KCNK5: variants seen among roughly 807,000 people sequenced by gnomAD.
The protein encoded by KCNK5 is potassium two pore domain channel subfamily K member 5.
A neutral mutation model predicts 32.9 loss-of-function variants in KCNK5; 18 were observed. The observed-to-expected ratio is 0.55, with a 90% CI of 0.38 to 0.81. The LOEUF is 0.81. KCNK5 is among the 30% of genes least tolerant of loss of function. The pLI, the probability that KCNK5 is intolerant of heterozygous loss-of-function variation, is 0.00. For missense variants in KCNK5, 507 were observed against 651.0 expected (o/e 0.78, Z 2.41); for synonymous variants, 276 against 275.3 (o/e 1.00, Z -0.03).
intron 1 of KCNK5, among the ~76,000 whole-genome samples, chr6:39,208,416 A>G (rs887748889): frequency 7.2e-5 from 11 of 152,152 alleles, no homozygotes; most frequent in African/African-American, 2.7e-4. Context: ...GCCTCTGAGC[A>G]TGATCTTGCC....
At chr6:39,200,825 C>T (rs564442426) in intron 1 of KCNK5, among the ~76,000 whole-genome samples, 1 of 152,248 alleles carries the variant, frequency 6.6e-6, no homozygotes, top group Non-Finnish European at 1.5e-5. Flanking sequence ...ATCCCCTCAT[C>T]CCCCAAGGAT....
chr6:39,196,764 G>C (rs11963595), intron 1 of KCNK5, among the ~76,000 whole-genome samples: 5,837 of 152,322 alleles, frequency 0.038, 156 homozygotes, highest in South Asian at 0.098. Context: ...CAGAGGGTGA[G>C]TACATTTCAG....
At position 39,191,570 on chromosome 6, in the gene KCNK5, G is replaced by A. The variant is rs147772924; in HGVS notation, c.820C>T (p.Arg274Trp). 8.7e-6 allele frequency: 14 copies of A among 1,613,812 alleles called. No homozygotes were observed. Among genetic ancestry groups the A allele is most frequent in the African/African-American group, 2.7e-5 (2 of 74,890 alleles). The change falls in exon 5 of 5, where the codon CGG becomes TGG. Residue 274 changes from arginine (R) to tryptophan (W), a missense_variant. By Grantham distance (101) the Arg-to-Trp change is moderately radical (BLOSUM62 -3). Around this residue, in one of 6 missense-constraint regions of KCNK5, gnomAD observed 42 missense variants for 35.3 expected, o/e 1.19. Transcript: ENST00000359534. This position sits in a 1 kb window ranked among gnomAD's most constrained non-coding sequence, Gnocchi z 5.8. Reference sequence around the variant, plus strand: ...CTCCCCTTCACCTGCAGGGCCTTCCGGGAGTGTGGGGAGCTCTCAAAGGAC... The same window carrying A: ...CTCCCCTTCACCTGCAGGGCCTTCCAGGAGTGTGGGGAGCTCTCAAAGGAC... ...KESFESSPHS[R>W]KALQVKGSTA...
At chr6:39,209,404 T>C (rs1319041494) in intron 1 of KCNK5, among the ~76,000 whole-genome samples, 1 of 152,080 alleles carries the variant, frequency 6.6e-6, no homozygotes, top group Non-Finnish European at 1.5e-5. Flanking sequence ...CCGCCCACCA[T>C]CCATCCCCAG....
intron 2 of KCNK5, among the ~76,000 whole-genome samples, chr6:39,195,240 T>C (rs554034066): frequency 2.6e-5 from 4 of 152,270 alleles, no homozygotes; most frequent in African/African-American, 9.6e-5. Flanking sequence ...GCTGGACAGG[T>C]GAGGTCTAAG....
At position 39,228,677 on chromosome 6, in the gene KCNK5, A is replaced by G. The variant is rs572982049; in HGVS notation, c.186+249T>C. ...CACCGTGGAGCCTAGTTCACCCGGG[A>G]ATCAACTCCAATTTGTCTCCGGCCA... On this transcript the variant is annotated intron_variant, in intron 1 of 4. Transcript: ENST00000359534. 9.9e-5 allele frequency among the ~76,000 whole-genome samples: 15 copies of G among 152,232 alleles called. No individual in the cohort carries two copies. The South Asian group carries it at 3.1e-3, about 32-fold the overall frequency.
intron 1 of KCNK5, among the ~76,000 whole-genome samples, chr6:39,218,988 G>T (rs944910838): frequency 2.0e-5 from 3 of 152,320 alleles, no homozygotes; most frequent in African/African-American, 7.2e-5. Flanking sequence ...AGCAGTCCTT[G>T]AACAGGTCTG....
chr6:39,207,192 C>T (rs1259316265), intron 1 of KCNK5, among the ~76,000 whole-genome samples: 1 of 152,204 alleles, frequency 6.6e-6, no homozygotes, highest in Non-Finnish European at 1.5e-5. Flanking sequence ...GAGGCCATGC[C>T]ACCTGGAATA....
chr6:39,218,133 C>T (rs543921760), intron 1 of KCNK5, among the ~76,000 whole-genome samples: 11 of 147,634 alleles, frequency 7.5e-5, no homozygotes, highest in Non-Finnish European at 1.2e-4. Flanking sequence ...TGTAGAGGCG[C>T]GATTTTGGCT....
chr6:39,194,031 C>T lies in KCNK5; in HGVS notation c.634+138G>A. ...GGTCTTAGTTTCCTCTTGCAAATGG[C>T]AGAGTGGGTTGAGAATCCCACTGGG... On this transcript the variant is annotated intron_variant, in intron 4 of 4. Coordinates refer to ENST00000359534, the MANE Select transcript of KCNK5 (RefSeq NM_003740.4). This position sits in a 1 kb window ranked among gnomAD's most constrained non-coding sequence, Gnocchi z 4.7. 1.1e-6 allele frequency: 1 copy of T among 874,414 alleles called. No homozygotes were observed. 54.2% of individuals were successfully genotyped at this position (874,414 alleles called of 1,614,324 possible). A position where few individuals can be genotyped will look rare whatever the true frequency, so the allele number is the denominator to read the frequency against.
At chr6:39,219,541 A>T (rs1018660909) in intron 1 of KCNK5, among the ~76,000 whole-genome samples, 3 of 152,130 alleles carry the variant, frequency 2.0e-5, no homozygotes, top group African/African-American at 4.8e-5. Flanking sequence ...CTGTTTCAAA[A>T]AATAATAATA....
chr6:39,204,757 G>A (rs1006356885), intron 1 of KCNK5, among the ~76,000 whole-genome samples: 2 of 152,284 alleles, frequency 1.3e-5, no homozygotes, highest in Admixed American at 6.5e-5. Flanking sequence ...ACATTAGCAC[G>A]GGGCAGGCTG....
chr6:39,215,599 T>G (rs1351006690), intron 1 of KCNK5, among the ~76,000 whole-genome samples: 5 of 152,174 alleles, frequency 3.3e-5, no homozygotes, highest in Non-Finnish European at 7.4e-5. Flanking sequence ...CTGAGGTCCT[T>G]GGCATGCTAC....
chr6:39,207,577 C>T (rs777531776), intron 1 of KCNK5, among the ~76,000 whole-genome samples: 42 of 149,438 alleles, frequency 2.8e-4, no homozygotes, highest in Non-Finnish European at 4.6e-4. Context: ...GGTTCTAGCC[C>T]TGGTGAGTCA....
In KCNK5 at chr6:39,190,973, T is replaced by C; in HGVS notation, c.1417A>G (p.Thr473Ala). 1 of 1,548,196 alleles carries C rather than the reference T, an allele frequency of 6.5e-7. No individual in the cohort carries two copies. The highest frequency in any genetic ancestry group is 1.3e-5 in the South Asian group (1 of 79,234). ...EFPSSSESTF[T>A]STESELSVPY... ...ACAGAGAGCTCAGACTCAGTGCTGG[T>C]GAAGGTGGACTCGGAGGAGGAGGGG... Residue 473 changes from threonine to alanine, a missense_variant, in exon 5 of 5, where the codon ACC becomes GCC. Around this residue, in one of 6 missense-constraint regions of KCNK5, gnomAD observed 252 missense variants for 250.8 expected, o/e 1.00. Transcript: ENST00000359534.
chr6:39,195,817 A>G, intron 2 of KCNK5, 59 bp downstream of exon 2: 1 of 1,272,340 alleles, frequency 7.9e-7, no homozygotes, highest in Middle Eastern at 2.0e-4. Flanking sequence ...GGGTTTCTAG[A>G]AAGGTTCTGA....
At chr6:39,207,495 G>A (rs948493968) in intron 1 of KCNK5, among the ~76,000 whole-genome samples, 2 of 152,132 alleles carry the variant, frequency 1.3e-5, no homozygotes, top group African/African-American at 2.4e-5. Flanking sequence ...GGCACAGTGC[G>A]GGTTGATGAC....
chr6:39,196,442 C>T (rs1331590303), intron 1 of KCNK5, among the ~76,000 whole-genome samples: 2 of 152,224 alleles, frequency 1.3e-5, no homozygotes. Context: ...GGCAGACACA[C>T]ACAAGGAGGT....
chr6:39,219,792 T>C (rs538364189), intron 1 of KCNK5, among the ~76,000 whole-genome samples: 97 of 152,184 alleles, frequency 6.4e-4, no homozygotes, highest in Non-Finnish European at 1.1e-3. Context: ...ATCCACACAC[T>C]CACTGAGCAT....
Sources: allele counts gnomAD v4.1 joint callset (sites outside exome capture counted in the v4.1 genomes callset), GRCh38; gene constraint gnomAD v4.1.1; regional missense constraint gnomAD v4.1.1; non-coding constraint Gnocchi (gnomAD v3.1); transcripts MANE v1.5; gene names NCBI Gene and HGNC (gene_info 2026-07-23, HGNC 2026-07-21).